RESF1: variants seen among roughly 807,000 people sequenced by gnomAD.
RESF1 encodes the protein retroelement silencing factor 1.
RESF1 carries 65 observed loss-of-function variants against 134.7 expected under a neutral mutation model. The ratio of observed to expected loss-of-function variants is 0.48; its 90% confidence interval spans 0.40 to 0.59. RESF1 has a LOEUF of 0.59. RESF1 is among the 20% of genes least tolerant of loss of function. The probability of loss-of-function intolerance (pLI) is 0.00; values close to 1 mark genes in which losing one functional copy is unlikely to be tolerated. For missense variants in RESF1, 2,274 were observed against 2,002.7 expected, an observed-to-expected ratio of 1.14 and a Z score of -2.59; for synonymous variants, 762 against 702.2, an observed-to-expected ratio of 1.09 and a Z score of -1.35.
In RESF1 at chr12:31,983,703, T is replaced by C; in HGVS notation, c.2748T>C (p.Leu916=). Residue 916 remains leucine (L), a synonymous_variant, in exon 4 of 6, where the codon CTT becomes CTC. Coordinates refer to ENST00000312561, the MANE Select transcript of RESF1 (RefSeq NM_018169.4). Reference sequence around the variant, plus strand: ...AAATAGCAAAGATATTCAGCTCTCTTCCCTTGAAAATGGTTGAGCCACAGA... The same window carrying C: ...AAATAGCAAAGATATTCAGCTCTCTCCCCTTGAAAATGGTTGAGCCACAGA... ...NSQIAKIFSS[L]PLKMVEPQKP... 1 of 1,613,852 alleles carries C rather than the reference T, an allele frequency of 6.2e-7. No homozygotes were observed. Among genetic ancestry groups the C allele is most frequent in the Non-Finnish European group, 8.5e-7 (1 of 1,180,016 alleles).
At chr12:31,973,707 T>C (rs1939565469) in intron 3 of RESF1, among the ~76,000 whole-genome samples, 1 of 151,654 alleles carries the variant, frequency 6.6e-6, no homozygotes. Context: ...AACATAAAGA[T>C]AGTTTCCCTT....
chr12:31,975,511 T>C (rs1449390280), intron 3 of RESF1, among the ~76,000 whole-genome samples: 1 of 152,184 alleles, frequency 6.6e-6, no homozygotes, highest in Non-Finnish European at 1.5e-5. Context: ...AAAAAATAAC[T>C]TTATGAAATC....
chr12:31,984,684 T>A lies in RESF1; in HGVS notation c.3729T>A (p.Asp1243Glu), dbSNP rs1939917157. 6.3e-7 allele frequency: 1 copy of A among 1,588,832 alleles called. No homozygotes were observed. Among genetic ancestry groups the A allele is most frequent in the Admixed American group, 1.9e-5 (1 of 51,450 alleles). Reference sequence around the variant, plus strand: ...TAAATAATCCAAAGACTCCTCCAGATGGGAAAAGTCATTTTCCTGAACTAC... The same window carrying A: ...TAAATAATCCAAAGACTCCTCCAGAAGGGAAAAGTCATTTTCCTGAACTAC... ...SLVNNPKTPP[D>E]GKSHFPELQD... is the part of the protein sequence containing the mutation. Residue 1243 changes from aspartate (D) to glutamate (E), a missense_variant, in exon 4 of 6, where the codon GAT (aspartate) becomes GAA (glutamate). Asp to Glu is a conservative substitution (Grantham distance 45). Coordinates refer to ENST00000312561, the MANE Select transcript of RESF1 (RefSeq NM_018169.4).
chr12:31,968,938 C>T (rs115612257), intron 2 of RESF1, among the ~76,000 whole-genome samples: 48 of 152,186 alleles, frequency 3.2e-4, no homozygotes, highest in African/African-American at 1.1e-3. Context: ...AAATTGTCAA[C>T]CCACTTTTCT....
At chr12:31,990,425 A>G (rs369780361) in intron 5 of RESF1, among the ~76,000 whole-genome samples, 9 of 151,954 alleles carry the variant, frequency 5.9e-5, no homozygotes, top group Admixed American at 2.6e-4. Flanking sequence ...CTACATGGGC[A>G]TTTTTATTTA....
At chr12:31,989,550 G>A (rs1420702890) in intron 5 of RESF1, among the ~76,000 whole-genome samples, 1 of 151,662 alleles carries the variant, frequency 6.6e-6, no homozygotes, top group African/African-American at 2.4e-5. Flanking sequence ...TTAGAAGCAG[G>A]CGTGTAAAAA....
At chr12:31,969,802 G>T (rs1214621015) in intron 2 of RESF1, among the ~76,000 whole-genome samples, 2 of 152,112 alleles carry the variant, frequency 1.3e-5, no homozygotes, top group African/African-American at 4.8e-5. Flanking sequence ...TGCTGCCCAG[G>T]TTAGTCTCGA....
At chr12:31,987,098 C>T (rs1176808333) in intron 4 of RESF1, 141 bp from the exon 5 acceptor site, 1 of 571,426 alleles carries the variant, frequency 1.8e-6, no homozygotes, top group Non-Finnish European at 3.1e-6. Context: ...TTTTTCCAGT[C>T]CTTTTTTTAG....
rs1203486238 is a variant in RESF1 at position 31,980,933 on chromosome 12, A to G, written c.-23A>G. 9 of 1,541,182 alleles carry G rather than the reference A, an allele frequency of 5.8e-6. No homozygotes were observed. The highest frequency in any genetic ancestry group is 7.0e-6 in the Non-Finnish European group (8 of 1,137,232). ...CTGACTTATAACTGACTTGTAATAC[A>G]CTGCTACTATATCAAACCGACAATG... On this transcript the variant is annotated 5_prime_UTR_variant, in exon 4 of 6. Transcript: ENST00000312561.
intron 4 of RESF1, among the ~76,000 whole-genome samples, chr12:31,986,161 G>T (rs1467809826): frequency 6.6e-6 from 1 of 152,156 alleles, no homozygotes; most frequent in Non-Finnish European, 1.5e-5. Flanking sequence ...ATTGTAAATT[G>T]TAGAAAATTG....
At chr12:31,973,732 C>T (rs189852176) in intron 3 of RESF1, among the ~76,000 whole-genome samples, 4 of 152,114 alleles carry the variant, frequency 2.6e-5, no homozygotes, top group Admixed American at 2.6e-4. Context: ...CCCATATGCT[C>T]TGTATTAATT....
At chr12:31,980,646 AAC>A (rs1179955584) in intron 3 of RESF1, among the ~76,000 whole-genome samples, 1 of 152,226 alleles carries the variant, frequency 6.6e-6, no homozygotes, top group East Asian at 1.9e-4. Flanking sequence ...ATTTAAATGT[AAC>A]AAAAAGCTAG....
At chr12:31,961,931 C>T (rs535553872) in intron 2 of RESF1, among the ~76,000 whole-genome samples, 2 of 152,244 alleles carry the variant, frequency 1.3e-5, no homozygotes, top group South Asian at 2.1e-4. Flanking sequence ...TTGCTTAAAA[C>T]GTATTTGTAG....
At chr12:31,961,609 G>C (rs1170650729) in intron 2 of RESF1, among the ~76,000 whole-genome samples, 2 of 152,338 alleles carry the variant, frequency 1.3e-5, no homozygotes, top group East Asian at 3.9e-4. Flanking sequence ...CAGAAATTCA[G>C]CTGGTTCATT....
intron 3 of RESF1, among the ~76,000 whole-genome samples, chr12:31,973,264 G>A (rs979390924): frequency 6.6e-6 from 1 of 151,022 alleles, no homozygotes; most frequent in African/African-American, 2.4e-5. Flanking sequence ...GCTGACCCTT[G>A]AACAATGTGA....
At chr12:31,985,982 G>A (rs749526263) in intron 4 of RESF1, 25 bp downstream of exon 4, 1 of 1,435,966 alleles carries the variant, frequency 7.0e-7, no homozygotes, top group Non-Finnish European at 9.2e-7. Flanking sequence ...TCTTGGTGGT[G>A]TCTACAATAT....
At chr12:31,964,791 G>A (rs1201064507) in intron 2 of RESF1, among the ~76,000 whole-genome samples, 1 of 152,082 alleles carries the variant, frequency 6.6e-6, no homozygotes, top group African/African-American at 2.4e-5. Flanking sequence ...TTAAATTTGT[G>A]TTGTCTTTGG....
intron 5 of RESF1, among the ~76,000 whole-genome samples, chr12:31,990,464 T>C (rs1287231424): frequency 6.6e-6 from 1 of 152,170 alleles, no homozygotes; most frequent in Non-Finnish European, 1.5e-5. Flanking sequence ...TTTATTTTAT[T>C]TTTTAGACAG....
rs369511087 is a variant in RESF1 at position 31,992,551 on chromosome 12, T to C, written c.*16T>C. ...TGTAAAATAATTACAAGATGTGGTT[T>C]TGTAATTGCCACTGGGAAATTTCTT... is the stretch of plus-strand genomic sequence containing the variant. On this transcript the variant is annotated 3_prime_UTR_variant, in exon 6 of 6. Transcript: ENST00000312561. The C allele has an allele frequency of 6.2e-7, 1 of 1,609,448 alleles. No individual in the cohort carries two copies. Among genetic ancestry groups the C allele is most frequent in the African/African-American group, 1.3e-5 (1 of 74,692 alleles).
Sources: allele counts gnomAD v4.1 joint callset (sites outside exome capture counted in the v4.1 genomes callset), GRCh38; gene constraint gnomAD v4.1.1; transcripts MANE v1.5; gene names NCBI Gene and HGNC (gene_info 2026-07-23, HGNC 2026-07-21).